NBEA: variants seen among roughly 807,000 people sequenced by gnomAD.
NBEA encodes neurobeachin, also known as lysosomal-trafficking regulator 2.
Under a neutral mutation model 343.4 loss-of-function variants are expected in NBEA, and 44 were observed. The ratio of observed to expected loss-of-function variants is 0.13; its 90% CI spans 0.10 to 0.16. NBEA has a LOEUF of 0.16. Among genes scored for constraint, NBEA ranks in the 10% least tolerant of loss-of-function variants. The pLI is 1.00. For missense variants in NBEA, 2,555 were observed against 3,631.3 expected (o/e 0.70, Z 7.62); for synonymous variants, 1,175 against 1,238.7 (o/e 0.95, Z 1.08).
chr13:35,483,061 A>G (rs2076180534), intron 41 of NBEA, among the ~76,000 whole-genome samples: 1 of 151,972 alleles, frequency 6.6e-6, no homozygotes, highest in Non-Finnish European at 1.5e-5. Context: ...AAACACTGAC[A>G]CAGGCAAAGT....
intron 33 of NBEA, among the ~76,000 whole-genome samples, chr13:35,213,842 C>T (rs1480609731): frequency 1.3e-5 from 2 of 151,898 alleles, no homozygotes; most frequent in Non-Finnish European, 2.9e-5. Context: ...TAACCACCAC[C>T]ACAATCAAGA....
chr13:35,215,603 G>A (rs2074023098), intron 33 of NBEA, among the ~76,000 whole-genome samples: 1 of 151,588 alleles, frequency 6.6e-6, no homozygotes, highest in South Asian at 2.1e-4. Context: ...TTAGTACATT[G>A]ATTTTTATAT....
At chr13:35,227,383 G>A (rs1464805131) in intron 33 of NBEA, among the ~76,000 whole-genome samples, 2 of 151,984 alleles carry the variant, frequency 1.3e-5, no homozygotes, top group Non-Finnish European at 2.9e-5. Context: ...TTTACAATGT[G>A]TGTTTATTCT....
chr13:35,428,983 G>A (rs767389712), intron 38 of NBEA, among the ~76,000 whole-genome samples: 14 of 152,138 alleles, frequency 9.2e-5, no homozygotes, highest in East Asian at 1.9e-4. Context: ...CTGCTTGATG[G>A]GGGTGGGAGT....
At chr13:35,048,707 G>A (rs1446939042) in intron 5 of NBEA, 23 bp downstream of exon 5, 1 of 1,209,506 alleles carries the variant, frequency 8.3e-7, no homozygotes, top group Non-Finnish European at 1.2e-6. Flanking sequence ...TTTAATTTTA[G>A]TACTTTTTTC....
chr13:35,591,726 C>G (rs1245037891), intron 46 of NBEA, among the ~76,000 whole-genome samples: 1 of 152,036 alleles, frequency 6.6e-6, no homozygotes, highest in Non-Finnish European at 1.5e-5. Context: ...CTCCAACAGC[C>G]AGCCCTTAAG....
intron 1 of NBEA, among the ~76,000 whole-genome samples, chr13:35,002,887 A>G (rs532701008): frequency 6.6e-6 from 1 of 152,314 alleles, no homozygotes; most frequent in South Asian, 2.1e-4. Context: ...GCGAGAGGTC[A>G]GGTGAATATG....
intron 41 of NBEA, among the ~76,000 whole-genome samples, chr13:35,508,662 G>A (rs1331941050): frequency 6.6e-6 from 1 of 152,158 alleles, no homozygotes; most frequent in Non-Finnish European, 1.5e-5. Context: ...TTGGAGGAAA[G>A]GAAGGTAGTG....
At chr13:35,277,372 A>G (rs1312891137) in intron 34 of NBEA, among the ~76,000 whole-genome samples, 3 of 152,090 alleles carry the variant, frequency 2.0e-5, no homozygotes, top group African/African-American at 2.4e-5. Flanking sequence ...CTGTAATCCC[A>G]TCACTTTGGG....
chr13:35,232,643 T>A (rs1316373695), intron 34 of NBEA, 24 bp downstream of exon 34: 2 of 1,435,166 alleles, frequency 1.4e-6, no homozygotes, highest in South Asian at 2.9e-5. Context: ...ATTATAATTA[T>A]TTTAGTTTCC....
intron 34 of NBEA, among the ~76,000 whole-genome samples, chr13:35,253,154 C>A (rs1483138516): frequency 1.3e-5 from 2 of 152,078 alleles, no homozygotes; most frequent in African/African-American, 2.4e-5. Context: ...ATAAATGACA[C>A]CCAGACCCTC....
intron 10 of NBEA, among the ~76,000 whole-genome samples, chr13:35,094,860 A>G (rs370171707): frequency 3.9e-4 from 59 of 152,046 alleles, no homozygotes; most frequent in African/African-American, 1.3e-3. Context: ...CGTAAATCTG[A>G]TTTGGAACTT....
intron 38 of NBEA, among the ~76,000 whole-genome samples, chr13:35,427,681 T>A (rs1180954950): frequency 6.6e-6 from 1 of 152,214 alleles, no homozygotes; most frequent in Non-Finnish European, 1.5e-5. Flanking sequence ...GACATTTAAG[T>A]CTGCAGAGGT....
intron 11 of NBEA, among the ~76,000 whole-genome samples, chr13:35,104,607 G>C (rs1423831719): frequency 1.3e-5 from 2 of 151,650 alleles, no homozygotes; most frequent in Non-Finnish European, 2.9e-5. Context: ...AGTATTAATA[G>C]TATAGGTAAT....
At chr13:35,382,760 C>T (rs2152893120) in intron 38 of NBEA, among the ~76,000 whole-genome samples, 1 of 152,130 alleles carries the variant, frequency 6.6e-6, no homozygotes, top group Admixed American at 6.6e-5. Context: ...CTGTATTTTG[C>T]AACATGATAA....
chr13:35,316,632 G>T (rs1305476018), intron 36 of NBEA, among the ~76,000 whole-genome samples: 1 of 152,106 alleles, frequency 6.6e-6, no homozygotes, highest in Non-Finnish European at 1.5e-5. Context: ...CCAGTAATGG[G>T]ATTGCTGGGT....
At chr13:35,373,390 G>A (rs1594392479) in intron 38 of NBEA, among the ~76,000 whole-genome samples, 1 of 152,240 alleles carries the variant, frequency 6.6e-6, no homozygotes, top group Non-Finnish European at 1.5e-5. Context: ...AAGAAAGTAA[G>A]TTACAGAAAA....
At chr13:35,353,588 C>A (rs921688980) in intron 38 of NBEA, among the ~76,000 whole-genome samples, 3 of 152,038 alleles carry the variant, frequency 2.0e-5, no homozygotes, top group African/African-American at 7.2e-5. Context: ...TTAAAATAGT[C>A]AGCATTTAAT....
intron 58 of NBEA, 86 bp from the exon 59 acceptor site, chr13:35,670,815 C>T (rs1457887568): frequency 2.2e-6 from 2 of 906,638 alleles, no homozygotes; most frequent in East Asian, 2.6e-5. Flanking sequence ...GTGTAAAATG[C>T]CAAACTTTGA....
Sources: gnomAD v4.1 joint callset for allele counts (sites outside exome capture counted in the v4.1 genomes callset) on GRCh38, gnomAD v4.1.1 for gene constraint, MANE v1.5 for transcripts, NCBI Gene and HGNC (gene_info 2026-07-23, HGNC 2026-07-21) for gene names.